The following ZNF676 variants were observed in gnomAD, a reference collection of about 807,000 sequenced individuals.
The protein encoded by ZNF676 is zinc finger protein 676.
In ZNF676, 4 loss-of-function variants were observed where a neutral mutation model predicts 6.0. That is an observed-to-expected ratio of 0.67 (90% CI 0.33 to 1.53). The LOEUF (loss-of-function observed/expected upper bound fraction) is 1.53, where lower values mean the gene tolerates loss of function less well. ZNF676 is among the 40% of genes most tolerant of loss of function. The probability of loss-of-function intolerance (pLI) is 0.06; values close to 1 mark genes in which losing one functional copy is unlikely to be tolerated. For missense variants in ZNF676, 644 were observed against 679.7 expected (o/e 0.95, Z 0.58); for synonymous variants, 198 against 223.1 (o/e 0.89, Z 1.00).
At chr19:22,215,804 C>CA (rs371677878), upstream of ZNF676, 1,693 of 684,272 alleles carry the variant, frequency 2.5e-3, 12 homozygotes, top group Non-Finnish European at 2.2e-3. Flanking sequence ...CTGTCCCCCC[C>CA]CCCAGCTGCC....
chr19:22,184,679 G>A (rs998629272), intron 2 of ZNF676, among the ~76,000 whole-genome samples: 4 of 151,920 alleles, frequency 2.6e-5, no homozygotes, highest in African/African-American at 9.7e-5. Flanking sequence ...CGAGCTTGGT[G>A]GGGGAAGGGC....
the ZNF676 span, among the ~76,000 whole-genome samples, chr19:22,228,083 A>T: frequency 6.6e-6 from 1 of 152,252 alleles, no homozygotes; most frequent in Non-Finnish European, 1.5e-5. Flanking sequence ...ATCCCTGATG[A>T]ACATTGATGT....
the ZNF676 span, among the ~76,000 whole-genome samples, chr19:22,236,438 A>C: frequency 6.6e-6 from 1 of 152,180 alleles, no homozygotes; most frequent in Non-Finnish European, 1.5e-5. Context: ...CCCTGGAATC[A>C]ATGTCACCTC....
rs758820707 is a variant in ZNF676 at position 22,181,580 on chromosome 19, C to A, written c.137G>T (p.Cys46Phe). 14 of 1,548,456 alleles carry A rather than the reference C, an allele frequency of 9.0e-6. No homozygotes were observed. In the African/African-American group the frequency reaches 1.8e-4, roughly 20 times the overall value. Reference sequence around the variant, plus strand: ...CCAAAACTCTTGGGAAAAATGAGAACATATAACTGAAAAGAAATAAAAATA... The same window carrying A: ...CCAAAACTCTTGGGAAAAATGAGAAAATATAACTGAAAAGAAATAAAAATA... ...HEMVEEPPVI[C>F]SHFSQEFWPE... is the part of the protein sequence containing the mutation. Residue 46 changes from cysteine (C) to phenylalanine (F), a missense_variant, in exon 3 of 3, where the codon TGT (cysteine) becomes TTT (phenylalanine). Cys to Phe is a radical substitution (Grantham distance 205). This residue lies in a region of ZNF676 where 280 missense variants were observed against 269.3 expected (regional missense o/e 1.04). Coordinates refer to ENST00000397121, the MANE Select transcript of ZNF676 (RefSeq NM_001001411.3).
intron 2 of ZNF676, among the ~76,000 whole-genome samples, chr19:22,186,846 A>G (rs2023846552): frequency 6.6e-6 from 1 of 152,218 alleles, no homozygotes; most frequent in Admixed American, 6.5e-5. Context: ...TCGTAAATAT[A>G]TATGCGCCCA....
At chr19:22,215,040 C>CAAAAAAAAA in intron 1 of ZNF676, among the ~76,000 whole-genome samples, 1 of 51,438 alleles carries the variant, frequency 1.9e-5, no homozygotes, top group East Asian at 5.1e-4. Flanking sequence ...GACTCCATCT[C>CAAAAAAAAA]AAAAAAAAAA....
At chr19:22,200,515 A>ATTTTTTTTTTTTT (rs3035052), upstream of ZNF676, among the ~76,000 whole-genome samples, 11 of 105,844 alleles carry the variant, frequency 1.0e-4, no homozygotes, top group Non-Finnish European at 1.2e-4. Flanking sequence ...TGCTTCATCA[A>ATTTTTTTTTTTTT]TTTTTTTTTT....
At chr19:22,199,066 G>A (rs1165960449), upstream of ZNF676, among the ~76,000 whole-genome samples, 2 of 151,900 alleles carry the variant, frequency 1.3e-5, no homozygotes, top group East Asian at 3.9e-4. Context: ...TCTGCAAAAT[G>A]GCCAGGTGAT....
intron 1 of ZNF676, among the ~76,000 whole-genome samples, chr19:22,214,779 C>T (rs2024166034): frequency 6.6e-6 from 1 of 151,722 alleles, no homozygotes; most frequent in African/African-American, 2.4e-5. Context: ...ATGACTCACA[C>T]CTATAATCCC....
intron 1 of ZNF676, among the ~76,000 whole-genome samples, chr19:22,212,793 G>A (rs1205806285): frequency 1.3e-5 from 2 of 151,804 alleles, no homozygotes; most frequent in African/African-American, 4.8e-5. Flanking sequence ...TCAAGAGTTC[G>A]AGACCAGCCT....
At chr19:22,193,468 G>C (rs547657806) in intron 1 of ZNF676, among the ~76,000 whole-genome samples, 1 of 152,136 alleles carries the variant, frequency 6.6e-6, no homozygotes, top group South Asian at 2.1e-4. Context: ...TTTTCTGCTT[G>C]GGGTTTGGTT....
At chr19:22,245,084 G>C in the ZNF676 span, 53 of 152,260 alleles carry the variant, frequency 3.5e-4, no homozygotes, top group African/African-American at 1.1e-3. Flanking sequence ...ACAATTTCTC[G>C]TTTGTCAGAG....
upstream of ZNF676, among the ~76,000 whole-genome samples, chr19:22,200,819 G>A (rs1411181819): frequency 2.6e-5 from 4 of 152,002 alleles, no homozygotes. Context: ...AAAGTACTGG[G>A]ATTACAGGTA....
Position 22,179,980 on chromosome 19 carries a change from A to C in ZNF676, c.1737T>G (p.His579Gln). ...GATTCTCTCCAGTATGAATTTTCTT[A>C]TGATAACTAACAGTTGAGGATGACT... ...AFKSSSTVSYHKKIHTGENP is the reference protein window; with the variant it reads ...AFKSSSTVSYQKKIHTGENP Residue 579 changes from histidine to glutamine, a missense_variant, in exon 3 of 3, where the codon CAT becomes CAG. Around this residue, in one of 5 missense-constraint regions of ZNF676, gnomAD observed 306 missense variants for 265.4 expected, o/e 1.15. Transcript: ENST00000397121. 1.2e-6 allele frequency: 2 copies of C among 1,613,536 alleles called. No individual in the cohort carries two copies. Among genetic ancestry groups the C allele is most frequent in the Non-Finnish European group, 1.7e-6 (2 of 1,179,780 alleles).
chr19:22,217,262 G>A (rs1236665953), upstream of ZNF676, among the ~76,000 whole-genome samples: 5 of 152,086 alleles, frequency 3.3e-5, no homozygotes, highest in Non-Finnish European at 7.4e-5. Context: ...GAGTACAGTG[G>A]CGCGATCTCA....
the ZNF676 span, among the ~76,000 whole-genome samples, chr19:22,245,578 A>G: frequency 6.9e-6 from 1 of 145,834 alleles, no homozygotes; most frequent in Non-Finnish European, 1.5e-5. Context: ...GGTCAGGGAC[A>G]TGTCACAATA....
the ZNF676 span, among the ~76,000 whole-genome samples, chr19:22,245,515 C>CA: frequency 1.7e-5 from 2 of 115,526 alleles, no homozygotes; most frequent in African/African-American, 7.3e-5. Flanking sequence ...CCCCCCCCCC[C>CA]ACCCCCAATA....
chr19:22,233,000 A>AT, the ZNF676 span, among the ~76,000 whole-genome samples: 1 of 152,206 alleles, frequency 6.6e-6, no homozygotes, highest in East Asian at 1.9e-4. Context: ...AAAAGAAATA[A>AT]TGTTAAAGGC....
chr19:22,255,656 T>C, the ZNF676 span, among the ~76,000 whole-genome samples: 39 of 152,096 alleles, frequency 2.6e-4, no homozygotes, highest in South Asian at 4.1e-4. Context: ...CCATCCTGGC[T>C]AACACGGTGA....
Sources: gnomAD v4.1 joint callset for allele counts (sites outside exome capture counted in the v4.1 genomes callset) on GRCh38, gnomAD v4.1.1 for gene constraint, gnomAD v4.1.1 regional missense constraint, MANE v1.5 for transcripts, NCBI Gene and HGNC (gene_info 2026-07-23, HGNC 2026-07-21) for gene names.